Variants in PPFIA4 observed in about 807,000 individuals in gnomAD.
PPFIA4 encodes liprin-alpha-4.
In PPFIA4, 98 loss-of-function variants were observed where a neutral mutation model predicts 145.7. That is an observed-to-expected ratio of 0.67 (90% CI 0.57 to 0.80). The LOEUF is 0.80. Among genes scored for constraint, PPFIA4 ranks in the 30% least tolerant of loss-of-function variants. The pLI is 0.00. For missense variants in PPFIA4, 1,457 were observed against 1,632.7 expected, an observed-to-expected ratio of 0.89 and a Z score of 1.85; for synonymous variants, 628 against 649.6, an observed-to-expected ratio of 0.97 and a Z score of 0.51.
intron 14 of PPFIA4, 49 bp downstream of exon 14, chr1:203,051,926 G>C: frequency 6.3e-7 from 1 of 1,579,976 alleles, no homozygotes; most frequent in Non-Finnish European, 8.6e-7. Context: ...CAATTCGGCC[G>C]CGTGCCTGGC....
rs1282939948 is a variant in PPFIA4 at position 203,043,355 on chromosome 1, G to C, written c.235-42G>C. 2 of 1,545,008 alleles carry C rather than the reference G, an allele frequency of 1.3e-6. No individual in the cohort carries two copies. The highest frequency in any genetic ancestry group is 2.7e-5 in the African/African-American group (2 of 73,438). On this transcript the variant is annotated intron_variant, in intron 2 of 29. Transcript: ENST00000295706. The surrounding 1 kb of genome is among the most constrained non-coding windows in gnomAD (Gnocchi z 4.4). Reference sequence around the variant, plus strand: ...CTTGCATGTGCAGGACACTGCTTTGGGGGTGAATCCTGAAGCACTGAGGGG... The same window carrying C: ...CTTGCATGTGCAGGACACTGCTTTGCGGGTGAATCCTGAAGCACTGAGGGG...
intron 1 of PPFIA4, among the ~76,000 whole-genome samples, chr1:203,030,315 T>A (rs1270930866): frequency 6.6e-6 from 1 of 151,984 alleles, no homozygotes; most frequent in Non-Finnish European, 1.5e-5. Context: ...CCTCAGCAGC[T>A]GCTTCAGAAG....
intron 1 of PPFIA4, among the ~76,000 whole-genome samples, chr1:203,036,598 G>A (rs782801): frequency 0.88 from 133,396 of 152,118 alleles, 61,225 homozygotes; most frequent in Non-Finnish European, 1. Context: ...GATGAGCTTG[G>A]GGGGGTAGGC....
At chr1:203,031,328 T>G (rs1198167132) in intron 1 of PPFIA4, among the ~76,000 whole-genome samples, 1 of 152,242 alleles carries the variant, frequency 6.6e-6, no homozygotes, top group Non-Finnish European at 1.5e-5. Context: ...AAAGTGCTAC[T>G]GCACCGAGGG....
chr1:203,028,522 G>A lies in PPFIA4; in HGVS notation c.-400+1893G>A, dbSNP rs116231742. 7.2e-3 allele frequency among the ~76,000 whole-genome samples: 1,102 copies of A among 152,266 alleles called. 19 individuals carry two copies. The highest frequency in any genetic ancestry group is 0.026 in the African/African-American group (1,064 of 41,528). The stretch of plus-strand genomic sequence containing the variant: ...GGTGTTAAGGGGGTTTTAAGATATG[G>A]GCAGCTAGCCGAGGCCTTCGAATGC... On this transcript the variant is annotated intron_variant, in intron 1 of 29. Transcript: ENST00000295706.
At chr1:203,040,979 T>C (rs915144550) in intron 2 of PPFIA4, among the ~76,000 whole-genome samples, 10 of 152,258 alleles carry the variant, frequency 6.6e-5, no homozygotes, top group African/African-American at 1.9e-4. Context: ...TCACAAATAT[T>C]TGTGGTTGAA....
intron 27 of PPFIA4, among the ~76,000 whole-genome samples, chr1:203,070,365 G>A (rs1662061765): frequency 6.6e-6 from 1 of 152,126 alleles, no homozygotes; most frequent in Non-Finnish European, 1.5e-5. Context: ...AGGATTGCTT[G>A]AGGCCAGGAG....
chr1:203,049,823 G>A, intron 13 of PPFIA4, 56 bp downstream of exon 13: 1 of 1,395,932 alleles, frequency 7.2e-7, no homozygotes, highest in South Asian at 1.5e-5. Context: ...GGACCGTGAG[G>A]AAGGAGACTT....
chr1:203,062,452 C>G lies in PPFIA4; in HGVS notation c.2874+774C>G, dbSNP rs554537534. ...CCGAGATCACACCACTGCACTCCAG[C>G]CTGGGTGACAGAGCAAGACTCCGTC... On this transcript the variant is annotated intron_variant, in intron 24 of 29. Coordinates refer to ENST00000295706, the MANE Select transcript of PPFIA4 (RefSeq NM_001304331.2). Among the ~76,000 whole-genome samples, 14 of 131,904 alleles carry G rather than the reference C, an allele frequency of 1.1e-4. 1 individual carries two copies. In the South Asian group the frequency reaches 1.7e-3, roughly 16 times the overall value. 86.5% of individuals were successfully genotyped at this position (131,904 alleles called of 152,430 possible). A position where few individuals can be genotyped will look rare whatever the true frequency, so the allele number is the denominator to read the frequency against.
rs781184370 is a variant in PPFIA4, at chr1:203,044,415, A to G, written c.538A>G (p.Thr180Ala). The G allele has an allele frequency of 1.3e-6, 2 of 1,552,096 alleles. No homozygotes were observed. The highest frequency in any genetic ancestry group is 1.7e-6 in the Non-Finnish European group (2 of 1,147,932). ...GCTCCGGGCAGCGCTGGAGCGAGTC[A>G]CCACCTTGGAGGAGCAGCTGGCAGG... is the stretch of plus-strand genomic sequence containing the variant. ...ERLRAALERV[T>A]TLEEQLAGAH... Residue 180 changes from threonine (T) to alanine (A), a missense_variant, in exon 5 of 30, where the codon ACC becomes GCC. Thr to Ala is a moderately conservative substitution (Grantham distance 58, BLOSUM62 0). Coordinates refer to ENST00000295706, the MANE Select transcript of PPFIA4 (RefSeq NM_001304331.2).
At chr1:203,057,018 G>A in intron 19 of PPFIA4, 68 bp downstream of exon 19, 1 of 1,592,008 alleles carries the variant, frequency 6.3e-7, no homozygotes, top group African/African-American at 1.3e-5. Flanking sequence ...AGGTGTACTT[G>A]GACTGGCCTT....
At position 203,039,136 on chromosome 1, in the gene PPFIA4, C is replaced by T. The variant is rs1659510630; in HGVS notation, c.128C>T (p.Ser43Phe). The T allele has an allele frequency of 6.2e-7, 1 of 1,607,824 alleles. No individual in the cohort carries two copies. The highest frequency in any genetic ancestry group is 1.1e-5 in the South Asian group (1 of 90,182). ...GACGAGCGGGAGAAGTTGCTGGAGT[C>T]TCTTCGGGAGAGTCAGGAGACCTTG... ...MLDEREKLLE[S>F]LRESQETLAA... The change falls in exon 2 of 30, where the codon TCT (serine) becomes TTT (phenylalanine). Residue 43 changes from serine to phenylalanine, a missense_variant. Physicochemically the swap from Ser to Phe is radical, Grantham distance 155. Transcript: ENST00000295706.
intron 25 of PPFIA4, among the ~76,000 whole-genome samples, chr1:203,064,439 C>T (rs992685972): frequency 5.9e-5 from 9 of 152,142 alleles, no homozygotes; most frequent in African/African-American, 1.7e-4. Flanking sequence ...ATTGCCATGC[C>T]GACATCCCAG....
chr1:203,039,336 A>G (rs1659539407), intron 2 of PPFIA4, 94 bp downstream of exon 2: 1 of 911,114 alleles, frequency 1.1e-6, no homozygotes, highest in Non-Finnish European at 1.6e-6. Context: ...ATCTATTTGC[A>G]TATCAATAAT....
chr1:203,071,904 G>T, intron 28 of PPFIA4, 144 bp downstream of exon 28: 1 of 748,676 alleles, frequency 1.3e-6, no homozygotes, highest in Non-Finnish European at 2.3e-6. Context: ...ATAATGTCAG[G>T]GGGTTGAGGA....
chr1:203,041,937 C>G (rs1033566604), intron 2 of PPFIA4, among the ~76,000 whole-genome samples: 1 of 152,206 alleles, frequency 6.6e-6, no homozygotes, highest in Admixed American at 6.5e-5. Context: ...GGCCATGGCC[C>G]TGACAGAAAG....
rs201424891 is a variant in PPFIA4, at chr1:203,053,872, G to A, written c.1740G>A (p.Ala580=). ...AGCCAGGGGGTCTGGTGGGCTCTGC[G>A]GATGTTGTCTCCCCCAGCGGCCACT... is the stretch of plus-strand genomic sequence containing the variant. ...EDEPGGLVGS[A]DVVSPSGHSD... Residue 580 remains alanine (A), a synonymous_variant, in exon 15 of 30, where the codon GCG becomes GCA. Transcript: ENST00000295706. The A allele has an allele frequency of 4.6e-4, 715 of 1,559,846 alleles. 3 individuals are homozygous for A. The African/African-American group carries it at 8.3e-3, about 18-fold the overall frequency.
Position 203,056,425 on chromosome 1 carries a change from T to G in PPFIA4, c.2157T>G (p.Cys719Trp). The G allele has an allele frequency of 1.9e-6, 3 of 1,613,968 alleles. No individual in the cohort carries two copies. Among genetic ancestry groups the G allele is most frequent in the Non-Finnish European group, 1.7e-6 (2 of 1,179,884 alleles). The change falls in exon 18 of 30, where the codon TGT becomes TGG. Residue 719 changes from cysteine (C) to tryptophan (W), a missense_variant. Cys to Trp is a radical substitution (Grantham distance 215). This residue lies in a region of PPFIA4 where 848 missense variants were observed against 1,046.7 expected (regional missense o/e 0.81). Coordinates refer to ENST00000295706, the MANE Select transcript of PPFIA4 (RefSeq NM_001304331.2). ...ENREDKATIK[C>W]ETSPPSSPRT... is the part of the protein sequence containing the mutation. ...GAGAGGATAAAGCCACCATAAAATGTGAGACTTCTCCTCCTTCCTCACCCA... is the reference window on the plus strand; with the variant it reads ...GAGAGGATAAAGCCACCATAAAATGGGAGACTTCTCCTCCTTCCTCACCCA...
At chr1:203,051,171 T>C (rs934617869) in intron 13 of PPFIA4, 3 of 985,326 alleles carry the variant, frequency 3.0e-6, no homozygotes, top group Non-Finnish European at 3.6e-6. Flanking sequence ...GAATAGACTC[T>C]TGGGGCAAAG....
Sources: allele counts gnomAD v4.1 joint callset (sites outside exome capture counted in the v4.1 genomes callset), GRCh38; gene constraint gnomAD v4.1.1; regional missense constraint gnomAD v4.1.1; non-coding constraint Gnocchi (gnomAD v3.1); transcripts MANE v1.5; gene names NCBI Gene and HGNC (gene_info 2026-07-23, HGNC 2026-07-21).